Variants in RANBP3L observed in about 807,000 individuals in gnomAD.
RANBP3L encodes the protein RAN binding protein 3 like.
RANBP3L carries 56 observed loss-of-function variants against 67.2 expected under a neutral mutation model. That is an observed-to-expected ratio of 0.83 (90% CI 0.67 to 1.04). The LOEUF (loss-of-function observed/expected upper bound fraction) is 1.04. Ranked by LOEUF, RANBP3L falls within the 50% of genes least tolerant of loss-of-function variation. RANBP3L has a pLI of 0.00. For missense variants in RANBP3L, 496 were observed against 535.5 expected (o/e 0.93, Z 0.73); for synonymous variants, 164 against 181.4 (o/e 0.90, Z 0.77).
chr5:36,253,593 A>G (rs1748748475), intron 12 of RANBP3L, 54 bp downstream of exon 12: 1 of 1,406,504 alleles, frequency 7.1e-7, no homozygotes, highest in Non-Finnish European at 1.0e-6. Context: ...TAGTAATTGC[A>G]GACGTCTATT....
At position 36,253,672 on chromosome 5, in the gene RANBP3L, T is replaced by C. The variant is rs1226891186; in HGVS notation, c.1142A>G (p.Tyr381Cys). 3.7e-6 allele frequency: 6 copies of C among 1,607,874 alleles called. No homozygotes were observed. The highest frequency in any genetic ancestry group is 5.1e-6 in the Non-Finnish European group (6 of 1,174,644). ...VRITATDLED[Y>C]SIKIFLIQAS... ...CTGAATTAAAAATATTTTGATGCTA[T>C]AGTCTTCTAAATCAGTAGCTGTTAT... is the stretch of plus-strand genomic sequence containing the variant. Residue 381 changes from tyrosine (Y) to cysteine (C), a missense_variant, in exon 12 of 14, where the codon TAT becomes TGT. Coordinates refer to ENST00000296604, the MANE Select transcript of RANBP3L (RefSeq NM_145000.5).
chr5:36,282,242 A>T (rs1043932349), intron 1 of RANBP3L, among the ~76,000 whole-genome samples: 2 of 152,196 alleles, frequency 1.3e-5, no homozygotes, highest in Non-Finnish European at 1.5e-5. Flanking sequence ...TCTAGGTTTC[A>T]TGGGATGTTG....
intron 1 of RANBP3L, among the ~76,000 whole-genome samples, chr5:36,272,808 C>A (rs1750316601): frequency 6.6e-6 from 1 of 152,116 alleles, no homozygotes; most frequent in South Asian, 2.1e-4. Context: ...TTACACCCAG[C>A]TAATTTGTAT....
At chr5:36,275,964 TA>T (rs780108655) in intron 1 of RANBP3L, among the ~76,000 whole-genome samples, 1 of 151,950 alleles carries the variant, frequency 6.6e-6, no homozygotes, top group Non-Finnish European at 1.5e-5. Flanking sequence ...AAAACTAAAT[TA>T]AAAAATAATC....
intron 1 of RANBP3L, among the ~76,000 whole-genome samples, chr5:36,283,833 T>C (rs1751146607): frequency 6.6e-6 from 1 of 152,192 alleles, no homozygotes; most frequent in Non-Finnish European, 1.5e-5. Context: ...GGTTTGAAAG[T>C]TTCTCTGAAT....
At chr5:36,262,144 C>T in intron 6 of RANBP3L, 102 bp from the exon 7 acceptor site, 1 of 641,516 alleles carries the variant, frequency 1.6e-6, no homozygotes, top group East Asian at 2.6e-5. Flanking sequence ...TGAAAGCTTA[C>T]TATGTTTAAG....
At chr5:36,252,692 A>T (rs6884019) in intron 12 of RANBP3L, among the ~76,000 whole-genome samples, 1 of 151,968 alleles carries the variant, frequency 6.6e-6, no homozygotes, top group Non-Finnish European at 1.5e-5. Flanking sequence ...TAACAGGCTC[A>T]GTCTCTGGCA....
Position 36,248,454 on chromosome 5 carries a change from T to C in RANBP3L, c.*1200A>G, listed in dbSNP as rs146525915. Reference sequence around the variant, plus strand: ...TGAAGTTTGACTTAATAAATACTTATATATTTTTATTATTTTATAACAGGT... The same window carrying C: ...TGAAGTTTGACTTAATAAATACTTACATATTTTTATTATTTTATAACAGGT... On this transcript the variant is annotated 3_prime_UTR_variant, in exon 14 of 14. Transcript: ENST00000296604. 1.3e-5 allele frequency: 2 copies of C among 152,200 alleles called. No individual in the cohort carries two copies. The highest frequency in any genetic ancestry group is 2.9e-5 in the Non-Finnish European group (2 of 68,018). 9.4% of individuals were successfully genotyped at this position (152,200 alleles called of 1,614,324 possible).
chr5:36,271,392 T>A, intron 1 of RANBP3L, 81 bp from the exon 2 acceptor site: 1 of 918,070 alleles, frequency 1.1e-6, no homozygotes, highest in Non-Finnish European at 1.7e-6. Flanking sequence ...TTGAAGACTT[T>A]TTTTTTTGTT....
intron 13 of RANBP3L, 72 bp from the exon 14 acceptor site, chr5:36,249,769 C>G (rs1748470834): frequency 1.4e-6 from 1 of 710,980 alleles, no homozygotes; most frequent in Non-Finnish European, 2.3e-6. Flanking sequence ...TTGAATGCAA[C>G]TAAACATGAA....
At position 36,253,829 on chromosome 5, in the gene RANBP3L, T is replaced by A. The variant is rs1374828977; in HGVS notation, c.1025-40A>T. ...TGACTACATCAGGCCACAGAACAGTTGACACGGAGGAATTTACCATTTTCA... is the reference window on the plus strand; with the variant it reads ...TGACTACATCAGGCCACAGAACAGTAGACACGGAGGAATTTACCATTTTCA... On this transcript the variant is annotated intron_variant, in intron 11 of 13. Coordinates refer to ENST00000296604, the MANE Select transcript of RANBP3L (RefSeq NM_145000.5). The A allele has an allele frequency of 1.9e-6, 3 of 1,577,998 alleles. No homozygotes were observed. The Admixed American group carries it at 5.7e-5, about 30-fold the overall frequency.
At chr5:36,282,987 C>T (rs1166395037) in intron 1 of RANBP3L, among the ~76,000 whole-genome samples, 1 of 152,210 alleles carries the variant, frequency 6.6e-6, no homozygotes, top group South Asian at 2.1e-4. Flanking sequence ...TTACCAGAAA[C>T]GTTTTGTTCA....
intron 2 of RANBP3L, 94 bp downstream of exon 2, chr5:36,271,159 C>G (rs1750180086): frequency 1.3e-6 from 1 of 769,786 alleles, no homozygotes; most frequent in South Asian, 1.5e-5. Context: ...CAGGATAAAC[C>G]TATGCAGCCG....
At chr5:36,256,299 T>A (rs1748972359) in intron 10 of RANBP3L, among the ~76,000 whole-genome samples, 1 of 152,006 alleles carries the variant, frequency 6.6e-6, no homozygotes, top group Non-Finnish European at 1.5e-5. Flanking sequence ...AATAAAAGTG[T>A]CTGTAGATCA....
intron 1 of RANBP3L, among the ~76,000 whole-genome samples, chr5:36,294,889 A>G (rs1455411250): frequency 6.7e-6 from 1 of 148,476 alleles, no homozygotes; most frequent in Non-Finnish European, 1.5e-5. Context: ...TATACACTAT[A>G]TATACATATA....
chr5:36,271,667 G>GA (rs1283611047), intron 1 of RANBP3L, among the ~76,000 whole-genome samples: 6 of 152,134 alleles, frequency 3.9e-5, no homozygotes, highest in Admixed American at 3.9e-4. Context: ...TTCAATGAGT[G>GA]AAAAATCTAA....
At position 36,257,451 on chromosome 5, in the gene RANBP3L, T is replaced by TA. The variant is rs1212464635; in HGVS notation, c.772+2dup. On this transcript the variant is annotated splice_region_variant and intron_variant, in intron 9 of 13. Transcript: ENST00000296604. ...AATGTTTTACAAATGAAAGAATTCTTACTTGAACTTAAAAAGTTGACAGGA... is the reference window on the plus strand; with the variant it reads ...AATGTTTTACAAATGAAAGAATTCTTAACTTGAACTTAAAAAGTTGACAGGA... 7.0e-7 allele frequency: 1 copy of TA among 1,420,876 alleles called. No homozygotes were observed. Among genetic ancestry groups the TA allele is most frequent in the Non-Finnish European group, 9.9e-7 (1 of 1,012,948 alleles). The allele number at this position is 1,420,876 out of a possible 1,614,324, so 88.0% of individuals were successfully genotyped here.
chr5:36,255,719 C>A, intron 10 of RANBP3L, 129 bp from the exon 11 acceptor site: 1 of 539,924 alleles, frequency 1.9e-6, no homozygotes, highest in Admixed American at 3.7e-5. Context: ...GATTTATAAA[C>A]CAGCTTTTAA....
intron 1 of RANBP3L, among the ~76,000 whole-genome samples, chr5:36,277,602 A>G (rs1172906515): frequency 6.6e-6 from 1 of 152,012 alleles, no homozygotes; most frequent in Non-Finnish European, 1.5e-5. Flanking sequence ...TCCTCTGTAT[A>G]TGCACACTTC....
Sources: gnomAD v4.1 joint callset for allele counts (sites outside exome capture counted in the v4.1 genomes callset) on GRCh38, gnomAD v4.1.1 for gene constraint, MANE v1.5 for transcripts, NCBI Gene and HGNC (gene_info 2026-07-23, HGNC 2026-07-21) for gene names.